The following SNX29 variants were observed in gnomAD, a reference collection of about 807,000 sequenced individuals.
The protein encoded by SNX29 is sorting nexin 29.
A neutral mutation model predicts 102.1 loss-of-function variants in SNX29; 78 were observed. That is an observed-to-expected ratio of 0.76 (90% CI 0.64 to 0.92). The LOEUF is 0.92. Ranked by LOEUF, SNX29 falls within the 40% of genes least tolerant of loss-of-function variation. The pLI, the probability that SNX29 is intolerant of heterozygous loss-of-function variation, is 0.00. For synonymous variants in SNX29, 580 were observed against 414.5 expected, an observed-to-expected ratio of 1.40 and a Z score of -4.85; for missense variants, 1,280 against 1,061.7, an observed-to-expected ratio of 1.21 and a Z score of -2.86.
At chr16:12,527,057 A>G (rs2076803784) in intron 20 of SNX29, 1 of 417,972 alleles carries the variant, frequency 2.4e-6, no homozygotes, top group Middle Eastern at 6.6e-4. Context: ...AATTTTGACT[A>G]CATGTTGGTC....
Position 12,199,700 on chromosome 16 carries a change from G to GC in SNX29, c.1678+20dup. 1.2e-6 allele frequency: 2 copies of GC among 1,608,398 alleles called. No homozygotes were observed. The highest frequency in any genetic ancestry group is 2.2e-5 in the South Asian group (2 of 90,012). Reference sequence around the variant, plus strand: ...CAGCTGAAGGTGAGGGGGAGCCTGAGCCCGGGTTGGGAGGGGCCGGGCTTT... The same window carrying GC: ...CAGCTGAAGGTGAGGGGGAGCCTGAGCCCCGGGTTGGGAGGGGCCGGGCTTT... On this transcript the variant is annotated intron_variant, in intron 14 of 20. Transcript: ENST00000566228.
intron 18 of SNX29, among the ~76,000 whole-genome samples, chr16:12,468,683 G>A (rs2087191075): frequency 6.6e-6 from 1 of 152,082 alleles, no homozygotes; most frequent in African/African-American, 2.4e-5. Context: ...TGTTCTCCAT[G>A]ATAGCCCCAG....
chr16:12,246,259 A>G (rs1262670966), intron 14 of SNX29, among the ~76,000 whole-genome samples: 5 of 151,920 alleles, frequency 3.3e-5, no homozygotes, highest in Non-Finnish European at 5.9e-5. Flanking sequence ...ACAGCTCATA[A>G]TTTTCTCCTC....
intron 7 of SNX29, among the ~76,000 whole-genome samples, chr16:12,051,206 G>T (rs917644094): frequency 6.6e-6 from 1 of 152,062 alleles, no homozygotes; most frequent in African/African-American, 2.4e-5. Flanking sequence ...GCATGCACCT[G>T]TAGTCCCAGC....
At chr16:12,136,238 G>A (rs1257036489) in intron 13 of SNX29, among the ~76,000 whole-genome samples, 1 of 152,184 alleles carries the variant, frequency 6.6e-6, no homozygotes, top group East Asian at 1.9e-4. Flanking sequence ...GTGGGGCTGG[G>A]GTGGCATGGA....
chr16:11,985,845 T>C (rs1048049443), intron 1 of SNX29, among the ~76,000 whole-genome samples: 6 of 151,456 alleles, frequency 4.0e-5, no homozygotes, highest in African/African-American at 1.5e-4. Context: ...TTTTTTTTTT[T>C]TTTTTGAGAT....
intron 14 of SNX29, among the ~76,000 whole-genome samples, chr16:12,260,441 C>T (rs1002862666): frequency 6.6e-6 from 1 of 152,228 alleles, no homozygotes; most frequent in Non-Finnish European, 1.5e-5. Flanking sequence ...CTTTGGGCTT[C>T]CTTCCCATGC....
At chr16:12,219,224 T>C (rs2077409898) in intron 14 of SNX29, among the ~76,000 whole-genome samples, 1 of 152,166 alleles carries the variant, frequency 6.6e-6, no homozygotes, top group Non-Finnish European at 1.5e-5. Flanking sequence ...AACCACATGT[T>C]ATATCGTCAG....
At position 12,555,486 on chromosome 16, in the gene SNX29, G is replaced by C. The variant is rs56907816; in HGVS notation, c.2319-13020G>C. On this transcript the variant is annotated intron_variant, in intron 20 of 20. Transcript: ENST00000566228. ...GTTGACATGTCTGAGGACGTCTTTC[G>C]TTGTGGGGAGTCACGCAGGGATTGA... Among the ~76,000 whole-genome samples, 7 of 151,436 alleles carry C rather than the reference G, an allele frequency of 4.6e-5. No individual in the cohort carries two copies. In the South Asian group the frequency reaches 6.3e-4, roughly 14 times the overall value.
At chr16:12,446,248 G>T (rs1421962153) in intron 18 of SNX29, among the ~76,000 whole-genome samples, 2 of 152,018 alleles carry the variant, frequency 1.3e-5, no homozygotes, top group African/African-American at 2.4e-5. Flanking sequence ...TAGAGACGGG[G>T]TTTCACCATG....
At chr16:12,280,025 G>T (rs952913590) in intron 15 of SNX29, among the ~76,000 whole-genome samples, 1 of 152,204 alleles carries the variant, frequency 6.6e-6, no homozygotes, top group African/African-American at 2.4e-5. Flanking sequence ...TGGGGCTGCT[G>T]GGCAGCGTGT....
chr16:12,332,224 G>C (rs902277694), intron 15 of SNX29, among the ~76,000 whole-genome samples: 1 of 152,156 alleles, frequency 6.6e-6, no homozygotes, highest in Non-Finnish European at 1.5e-5. Context: ...TGTGCGTGCG[G>C]TGTGTGCACT....
At chr16:12,198,215 G>A (rs763680082) in intron 13 of SNX29, among the ~76,000 whole-genome samples, 1 of 152,142 alleles carries the variant, frequency 6.6e-6, no homozygotes, top group African/African-American at 2.4e-5. Context: ...TGGTTACCAT[G>A]GGAAAGTGTT....
At chr16:12,159,303 C>T (rs78386320) in intron 13 of SNX29, among the ~76,000 whole-genome samples, 16 of 152,338 alleles carry the variant, frequency 1.1e-4, no homozygotes, top group Admixed American at 5.2e-4. Flanking sequence ...CTTTCAGAGA[C>T]GATGGCTCAG....
chr16:12,366,341 A>G (rs950650267), intron 16 of SNX29, among the ~76,000 whole-genome samples: 3 of 152,234 alleles, frequency 2.0e-5, no homozygotes, highest in East Asian at 1.9e-4. Context: ...TCCCTGAGGA[A>G]CATCTTCTCT....
intron 19 of SNX29, chr16:12,515,516 C>T (rs747784630): frequency 4.1e-6 from 2 of 489,478 alleles, no homozygotes; most frequent in South Asian, 3.1e-5. Flanking sequence ...CAGCCGCCAC[C>T]ATCTCCTGCC....
chr16:12,387,183 G>A (rs954097382), intron 16 of SNX29, among the ~76,000 whole-genome samples: 3 of 152,064 alleles, frequency 2.0e-5, no homozygotes, highest in Non-Finnish European at 4.4e-5. Context: ...CTGATCCAAA[G>A]AAACCAAGTT....
Position 12,216,515 on chromosome 16 carries a change from G to T in SNX29, c.1678+16832G>T, listed in dbSNP as rs530522326. On this transcript the variant is annotated intron_variant, in intron 14 of 20. Coordinates refer to ENST00000566228, the MANE Select transcript of SNX29 (RefSeq NM_032167.5). ...GAGATGACAAGAAGTCGGGTTTGAT[G>T]GGCATGCAAGCTGACCACTGGTCTT... Among the ~76,000 whole-genome samples, 185 of 152,342 alleles carry T rather than the reference G, an allele frequency of 1.2e-3. 1 individual carries two copies. Among genetic ancestry groups the T allele is most frequent in the Middle Eastern group, 6.8e-3 (2 of 294 alleles).
At chr16:12,567,569 A>C (rs1054876626) in intron 20 of SNX29, among the ~76,000 whole-genome samples, 1 of 152,066 alleles carries the variant, frequency 6.6e-6, no homozygotes, top group Non-Finnish European at 1.5e-5. Context: ...GGATCACTTG[A>C]GACCAGCCTG....
Sources: allele counts gnomAD v4.1 joint callset (sites outside exome capture counted in the v4.1 genomes callset), GRCh38; gene constraint gnomAD v4.1.1; transcripts MANE v1.5; gene names NCBI Gene and HGNC (gene_info 2026-07-23, HGNC 2026-07-21).